The following IGSF3 variants were observed in gnomAD, a reference collection of about 807,000 sequenced individuals.
The protein encoded by IGSF3 is glu-Trp-Ile EWI motif-containing protein 3.
In IGSF3, 23 loss-of-function variants were observed where a neutral mutation model predicts 114.4. The observed-to-expected ratio is 0.20, with a 90% CI of 0.14 to 0.28. The LOEUF (loss-of-function observed/expected upper bound fraction) is 0.28. Ranked by LOEUF, IGSF3 falls within the 10% of genes least tolerant of loss-of-function variation. The probability of loss-of-function intolerance (pLI) is 1.00; values close to 1 mark genes in which losing one functional copy is unlikely to be tolerated. For missense variants in IGSF3, 1,172 were observed against 1,591.5 expected (o/e 0.74, Z 4.48); for synonymous variants, 571 against 645.2 (o/e 0.88, Z 1.74).
At chr1:116,620,440 G>A (rs775699620) in intron 2 of IGSF3, among the ~76,000 whole-genome samples, 13 of 152,136 alleles carry the variant, frequency 8.5e-5, no homozygotes, top group Non-Finnish European at 1.3e-4. Context: ...TGCTGGAAGC[G>A]GCGTGCACCA....
intron 6 of IGSF3, among the ~76,000 whole-genome samples, chr1:116,602,222 C>A (rs1398306576): frequency 6.6e-6 from 1 of 152,172 alleles, no homozygotes; most frequent in Non-Finnish European, 1.5e-5. Context: ...CCCCTCAGTG[C>A]CCCTGGCTGT....
At position 116,607,918 on chromosome 1, in the gene IGSF3, A is replaced by C. The variant is rs1557868536; in HGVS notation, c.1222+24T>G. 1 of 1,608,276 alleles carries C rather than the reference A, an allele frequency of 6.2e-7. No homozygotes were observed. ...AAATGATGCTGAGCCAAAGGAGAAG[A>C]AAGCAGCACATCTCTCTACTTACTG... On this transcript the variant is annotated intron_variant, in intron 5 of 10. Coordinates refer to ENST00000369486, the MANE Select transcript of IGSF3 (RefSeq NM_001007237.3). The surrounding 1 kb of genome is among the most constrained non-coding windows in gnomAD (Gnocchi z 6.1).
chr1:116,599,399 C>A (rs1481150976), intron 7 of IGSF3, among the ~76,000 whole-genome samples: 1 of 151,462 alleles, frequency 6.6e-6, no homozygotes, highest in Non-Finnish European at 1.5e-5. Flanking sequence ...TATACACACA[C>A]ACACACACAC....
chr1:116,653,151 C>G (rs575750814), intron 2 of IGSF3, among the ~76,000 whole-genome samples: 1 of 152,324 alleles, frequency 6.6e-6, no homozygotes, highest in South Asian at 2.1e-4. Flanking sequence ...CTCTGAATGT[C>G]TTAAGAGATT....
chr1:116,580,486 T>A (rs1659554738), intron 9 of IGSF3, among the ~76,000 whole-genome samples: 1 of 152,142 alleles, frequency 6.6e-6, no homozygotes, highest in Non-Finnish European at 1.5e-5. Flanking sequence ...TTAAATGAGG[T>A]CATAAGGCTG....
rs1660554289 is a variant in IGSF3 at position 116,600,963 on chromosome 1, T to C, written c.1625-618A>G. The stretch of plus-strand genomic sequence containing the variant: ...GCTGTGGGTCTCTCAATATTCCTTA[T>C]TGAATGGGCAGCACTGCTAAGCCCT... On this transcript the variant is annotated intron_variant, in intron 6 of 10. Coordinates refer to ENST00000369486, the MANE Select transcript of IGSF3 (RefSeq NM_001007237.3). The surrounding 1 kb of genome is among the most constrained non-coding windows in gnomAD (Gnocchi z 5.5). Among the ~76,000 whole-genome samples the C allele has an allele frequency of 6.6e-6, 1 of 152,188 alleles. No individual in the cohort carries two copies. Among genetic ancestry groups the C allele is most frequent in the Non-Finnish European group, 1.5e-5 (1 of 68,040 alleles).
At chr1:116,639,503 G>A (rs1647987104) in intron 2 of IGSF3, among the ~76,000 whole-genome samples, 1 of 152,222 alleles carries the variant, frequency 6.6e-6, no homozygotes, top group African/African-American at 2.4e-5. Context: ...GAAGGAAGCT[G>A]CATCTGGGAT....
Position 116,596,381 on chromosome 1 carries a change from C to G in IGSF3, c.2029+3560G>C, listed in dbSNP as rs201487768. Among the ~76,000 whole-genome samples, 1 of 152,160 alleles carries G rather than the reference C, an allele frequency of 6.6e-6. No homozygotes were observed. The highest frequency in any genetic ancestry group is 1.5e-5 in the Non-Finnish European group (1 of 68,040). On this transcript the variant is annotated intron_variant, in intron 7 of 10. Transcript: ENST00000369486. The surrounding 1 kb of genome is among the most constrained non-coding windows in gnomAD (Gnocchi z 4.1). ...AATCTATGTTTTGAGGGGCAAGGTA[C>G]GCAGGGAGAGCAAAAGAAGAGAGGA...
Position 116,591,954 on chromosome 1 carries a change from A to G in IGSF3, c.2030-2850T>C, listed in dbSNP as rs549742522. Among the ~76,000 whole-genome samples the G allele has an allele frequency of 5.9e-5, 9 of 152,346 alleles. No individual in the cohort carries two copies. The East Asian group carries it at 1.5e-3, about 26-fold the overall frequency. The stretch of plus-strand genomic sequence containing the variant: ...GTCTATAAAAAGAGTTTAGCACAGA[A>G]CCTGGGATATAACAAACACCCAGTG... On this transcript the variant is annotated intron_variant, in intron 7 of 10. Transcript: ENST00000369486.
intron 8 of IGSF3, among the ~76,000 whole-genome samples, chr1:116,587,307 T>G (rs1659889192): frequency 6.6e-6 from 1 of 152,186 alleles, no homozygotes; most frequent in African/African-American, 2.4e-5. Context: ...TACTTATATA[T>G]GAATAAGTAA....
chr1:116,656,355 C>T (rs527472420), intron 2 of IGSF3, among the ~76,000 whole-genome samples: 3 of 124,624 alleles, frequency 2.4e-5, no homozygotes, highest in South Asian at 2.6e-4. Flanking sequence ...GGCTGGAGTG[C>T]AGTGGCGCAA....
chr1:116,595,281 T>G lies in IGSF3; in HGVS notation c.2029+4660A>C, dbSNP rs1375457586. ...CAGGCCTGAGGGATCTGGGAGGGGCTGAGCTCTCCTCTTAGGGCTCTTGCA... is the reference window on the plus strand; with the variant it reads ...CAGGCCTGAGGGATCTGGGAGGGGCGGAGCTCTCCTCTTAGGGCTCTTGCA... On this transcript the variant is annotated intron_variant, in intron 7 of 10. Coordinates refer to ENST00000369486, the MANE Select transcript of IGSF3 (RefSeq NM_001007237.3). This position sits in a 1 kb window ranked among gnomAD's most constrained non-coding sequence, Gnocchi z 4.2. Among the ~76,000 whole-genome samples, 1 of 152,176 alleles carries G rather than the reference T, an allele frequency of 6.6e-6. No individual in the cohort carries two copies. Among genetic ancestry groups the G allele is most frequent in the Non-Finnish European group, 1.5e-5 (1 of 68,024 alleles).
At chr1:116,641,073 G>A (rs1218729557) in intron 2 of IGSF3, among the ~76,000 whole-genome samples, 1 of 152,134 alleles carries the variant, frequency 6.6e-6, no homozygotes, top group Non-Finnish European at 1.5e-5. Context: ...CTACAGGGAG[G>A]GTAGGGGAGT....
rs1231836461 is a variant in IGSF3, at chr1:116,588,743, C to T, written c.2391G>A (p.Lys797=). The change falls in exon 8 of 11, where the codon AAG becomes AAA. Residue 797 remains lysine, a synonymous_variant. Coordinates refer to ENST00000369486, the MANE Select transcript of IGSF3 (RefSeq NM_001007237.3). The surrounding 1 kb of genome is among the most constrained non-coding windows in gnomAD (Gnocchi z 4.9). The part of the protein sequence containing the change: ...WLLSPNYAWY[K]LAEEVSGRTE... ...TGCGCCCAGAAACCTCCTCTGCCAGCTTGTACCAGGCGTAGTTGGGGCTCA... is the reference window on the plus strand; with the variant it reads ...TGCGCCCAGAAACCTCCTCTGCCAGTTTGTACCAGGCGTAGTTGGGGCTCA... 1.2e-6 allele frequency: 2 copies of T among 1,613,740 alleles called. No homozygotes were observed. The highest frequency in any genetic ancestry group is 2.2e-5 in the East Asian group (1 of 44,862).
intron 9 of IGSF3, among the ~76,000 whole-genome samples, chr1:116,581,956 G>A (rs1317963992): frequency 1.3e-5 from 2 of 152,168 alleles, no homozygotes; most frequent in African/African-American, 4.8e-5. Context: ...AGGTGGCCCT[G>A]GGCGATGTGC....
chr1:116,579,489 G>A lies in IGSF3; in HGVS notation c.3237C>T (p.Ser1079=). 1 of 1,614,060 alleles carries A rather than the reference G, an allele frequency of 6.2e-7. No homozygotes were observed. The highest frequency in any genetic ancestry group is 8.5e-7 in the Non-Finnish European group (1 of 1,179,988). ...TGGGCAGCCACTCCTCCACATGGCA[G>A]GAGTAATTGCCTGTATCTTGGGGGC... is the stretch of plus-strand genomic sequence containing the variant. ...QASPQDTGNY[S]CHVEEWLPSP... is the part of the protein sequence containing the mutation. The change falls in exon 10 of 11, where the codon TCC becomes TCT. Residue 1079 remains serine (S), a synonymous_variant. Transcript: ENST00000369486. This position sits in a 1 kb window ranked among gnomAD's most constrained non-coding sequence, Gnocchi z 6.4.
At chr1:116,635,682 T>C (rs1647794852) in intron 2 of IGSF3, among the ~76,000 whole-genome samples, 1 of 152,252 alleles carries the variant, frequency 6.6e-6, no homozygotes, top group African/African-American at 2.4e-5. Context: ...ATCTTCTTGT[T>C]GGGACACTGA....
Position 116,598,932 on chromosome 1 carries a change from A to G in IGSF3, c.2029+1009T>C, listed in dbSNP as rs191214068. Among the ~76,000 whole-genome samples, 1 of 152,288 alleles carries G rather than the reference A, an allele frequency of 6.6e-6. No individual in the cohort carries two copies. Among genetic ancestry groups the G allele is most frequent in the East Asian group, 1.9e-4 (1 of 5,178 alleles). On this transcript the variant is annotated intron_variant, in intron 7 of 10. Transcript: ENST00000369486. The surrounding 1 kb of genome is among the most constrained non-coding windows in gnomAD (Gnocchi z 4.3). ...GTGTTTGCAGAAAGCCCCACTGACTAATGCTCCCCAAATTAATGCATCCTT... is the reference window on the plus strand; with the variant it reads ...GTGTTTGCAGAAAGCCCCACTGACTGATGCTCCCCAAATTAATGCATCCTT...
chr1:116,637,519 G>A (rs1054270187), intron 2 of IGSF3, among the ~76,000 whole-genome samples: 6 of 152,170 alleles, frequency 3.9e-5, no homozygotes, highest in African/African-American at 1.4e-4. Flanking sequence ...AGAACTGCAT[G>A]CTTTTCTCCA....
Sources: allele counts gnomAD v4.1 joint callset (sites outside exome capture counted in the v4.1 genomes callset), GRCh38; gene constraint gnomAD v4.1.1; non-coding constraint Gnocchi (gnomAD v3.1); transcripts MANE v1.5; gene names NCBI Gene and HGNC (gene_info 2026-07-23, HGNC 2026-07-21).